Variants in IL6R observed in about 807,000 individuals in gnomAD.
IL6R encodes the protein interleukin 6 receptor, also known as interleukin-6 receptor subunit alpha.
A neutral mutation model predicts 48.3 loss-of-function variants in IL6R; 38 were observed. The ratio of observed to expected loss-of-function variants is 0.79; its 90% CI spans 0.61 to 1.03. The LOEUF is 1.03. Ranked by LOEUF, IL6R falls within the 50% of genes least tolerant of loss-of-function variation. IL6R has a pLI of 0.00. For missense variants in IL6R, 534 were observed against 618.3 expected, an observed-to-expected ratio of 0.86 and a Z score of 1.45; for synonymous variants, 264 against 256.2, an observed-to-expected ratio of 1.03 and a Z score of -0.29.
At chr1:154,448,994 C>T (rs1364488545) in intron 7 of IL6R, among the ~76,000 whole-genome samples, 14 of 145,424 alleles carry the variant, frequency 9.6e-5, no homozygotes, top group Non-Finnish European at 1.5e-4. Context: ...CCCGGGTTCA[C>T]GCCATTCTCC....
rs747462813 is a variant in IL6R, at chr1:154,465,215, C to A, written c.1242C>A (p.Val414=). Residue 414 remains valine, a synonymous_variant, in exon 10 of 10, where the codon GTC becomes GTA. Coordinates refer to ENST00000368485, the MANE Select transcript of IL6R (RefSeq NM_000565.4). ...MHPPYSLGQL[V]PERPRPTPVL... is the part of the protein sequence containing the mutation. ...CGCCGTACTCTTTGGGGCAGCTGGT[C>A]CCGGAGAGGCCTCGACCCACCCCAG... 1.9e-6 allele frequency: 3 copies of A among 1,614,172 alleles called. No individual in the cohort carries two copies. The South Asian group carries it at 3.3e-5, about 18-fold the overall frequency.
intron 8 of IL6R, among the ~76,000 whole-genome samples, chr1:154,451,887 C>G (rs1690602827): frequency 6.6e-6 from 1 of 152,156 alleles, no homozygotes; most frequent in Non-Finnish European, 1.5e-5. Flanking sequence ...GCCTCCCCAC[C>G]TATTCAACCC....
rs182039823 is a variant in IL6R, at chr1:154,416,741, G to A, written c.85+11027G>A. On this transcript the variant is annotated intron_variant, in intron 1 of 9. Transcript: ENST00000368485. ...GCTCAGCAGTGATTGGAATGCAAGA[G>A]TGGGGACTTTGGGGCCTGTATGAAA... Among the ~76,000 whole-genome samples, 345 of 152,274 alleles carry A rather than the reference G, an allele frequency of 2.3e-3. 2 individuals are homozygous for A. Among genetic ancestry groups the A allele is most frequent in the South Asian group, 7.5e-3 (36 of 4,830 alleles).
At chr1:154,430,740 AGAGGGAACT>A in intron 3 of IL6R, 134 bp downstream of exon 3, 1 of 1,205,736 alleles carries the variant, frequency 8.3e-7, no homozygotes, top group East Asian at 2.6e-5. Context: ...AGAGGAGATG[AGAGGGAACT>A]GAGATTTACA....
chr1:154,438,829 T>C (rs553406057), intron 6 of IL6R, among the ~76,000 whole-genome samples: 9 of 152,150 alleles, frequency 5.9e-5, no homozygotes, highest in Non-Finnish European at 7.4e-5. Context: ...CCGGCTTCCA[T>C]CTTTGTTGGC....
chr1:154,443,164 T>C (rs1454508234), intron 6 of IL6R, among the ~76,000 whole-genome samples: 3 of 152,218 alleles, frequency 2.0e-5, no homozygotes, highest in Admixed American at 1.3e-4. Context: ...CCCTCTCCTA[T>C]TCCCCAAGAA....
chr1:154,434,883 G>T (rs1689521953), intron 4 of IL6R, 107 bp from the exon 5 acceptor site: 20 of 1,271,162 alleles, frequency 1.6e-5, no homozygotes, highest in Non-Finnish European at 2.1e-5. Context: ...TGTGCATGGG[G>T]AGTGAACGGG....
At chr1:154,423,119 GTGCTCGGAAGC>G (rs1688773147) in intron 1 of IL6R, among the ~76,000 whole-genome samples, 1 of 151,780 alleles carries the variant, frequency 6.6e-6, no homozygotes, top group African/African-American at 2.4e-5. Context: ...TGGCCTGAAG[GTGCTCGGAAGC>G]TGCTTGTATT....
intron 1 of IL6R, among the ~76,000 whole-genome samples, chr1:154,408,123 C>A (rs1021996902): frequency 8.5e-5 from 13 of 152,066 alleles, no homozygotes; most frequent in African/African-American, 2.9e-4. Flanking sequence ...GATTTTTGAA[C>A]CCTAACCCAG....
chr1:154,415,199 T>G lies in IL6R; in HGVS notation c.85+9485T>G, dbSNP rs116329267. The G allele has an allele frequency of 4.6e-3, 3,192 of 688,796 alleles. 81 individuals carry two copies. In the African/African-American group the frequency reaches 0.048, roughly 10 times the overall value. 42.7% of individuals were successfully genotyped at this position (688,796 alleles called of 1,614,324 possible). A position where few individuals can be genotyped will look rare whatever the true frequency, so the allele number is the denominator to read the frequency against. ...GGGGCCCGGAGCTCAAGGCGCCGGC[T>G]GCACTGTTCACCTCCACCCCCATTC... is the stretch of plus-strand genomic sequence containing the variant. On this transcript the variant is annotated intron_variant, in intron 1 of 9. Coordinates refer to ENST00000368485, the MANE Select transcript of IL6R (RefSeq NM_000565.4).
At chr1:154,447,448 A>C in intron 6 of IL6R, among the ~76,000 whole-genome samples, 1 of 68,344 alleles carries the variant, frequency 1.5e-5, no homozygotes, top group African/African-American at 8.4e-5. Context: ...CAAAAAAAAA[A>C]AAAAAAATAT....
chr1:154,465,127 T>C lies in IL6R; in HGVS notation c.1161-7T>C. The stretch of plus-strand genomic sequence containing the variant: ...TGTGTGGTTTGTCTTTGTGTGTTTG[T>C]GTGAAGGTTCAAGAAGACGTGGAAG... On this transcript the variant is annotated splice_region_variant and splice_polypyrimidine_tract_variant and intron_variant, in intron 9 of 9. Transcript: ENST00000368485. 2 of 1,614,080 alleles carry C rather than the reference T, an allele frequency of 1.2e-6. No homozygotes were observed. The highest frequency in any genetic ancestry group is 1.1e-5 in the South Asian group (1 of 91,074).
intron 6 of IL6R, among the ~76,000 whole-genome samples, chr1:154,443,250 C>T (rs1173749884): frequency 6.6e-6 from 1 of 152,246 alleles, no homozygotes; most frequent in Non-Finnish European, 1.5e-5. Flanking sequence ...GAAGCCAGGA[C>T]TGGGCGGTCA....
rs372345902 is a variant in IL6R, at chr1:154,465,606, G to T, written c.*226G>T. On this transcript the variant is annotated 3_prime_UTR_variant, in exon 10 of 10. Coordinates refer to ENST00000368485, the MANE Select transcript of IL6R (RefSeq NM_000565.4). ...CCTTTCCAAATGCCCAGCTTAAAGG[G>T]GCTAGAGTGAACTTGGGCCACTGTG... The T allele has an allele frequency of 1.1e-3, 626 of 587,676 alleles. 4 individuals are homozygous for T. The highest frequency in any genetic ancestry group is 0.01 in the African/African-American group (543 of 53,706). 36.4% of individuals were successfully genotyped at this position (587,676 alleles called of 1,614,324 possible). A position where few individuals can be genotyped will look rare whatever the true frequency, so the allele number is the denominator to read the frequency against.
At chr1:154,434,027 T>G (rs1689462741) in intron 3 of IL6R, among the ~76,000 whole-genome samples, 2 of 151,366 alleles carry the variant, frequency 1.3e-5, no homozygotes, top group African/African-American at 4.8e-5. Flanking sequence ...GCGCCCGGCC[T>G]TATTTCTCAG....
At chr1:154,443,057 G>A (rs1391910856) in intron 6 of IL6R, among the ~76,000 whole-genome samples, 1 of 152,184 alleles carries the variant, frequency 6.6e-6, no homozygotes, top group Non-Finnish European at 1.5e-5. Context: ...CCAGGCTGGA[G>A]CCCCTTTTCA....
intron 6 of IL6R, among the ~76,000 whole-genome samples, chr1:154,438,313 A>G (rs538347966): frequency 1.3e-5 from 2 of 152,054 alleles, no homozygotes; most frequent in Admixed American, 6.6e-5. Context: ...CTCCCTGACC[A>G]CAACCCAGAG....
rs12089132 is a variant in IL6R, at chr1:154,405,860, T to C, written c.85+146T>C. On this transcript the variant is annotated intron_variant, in intron 1 of 9. Coordinates refer to ENST00000368485, the MANE Select transcript of IL6R (RefSeq NM_000565.4). The surrounding 1 kb of genome is among the most constrained non-coding windows in gnomAD (Gnocchi z 5.2). ...TGTGGCTGCCTTGAGGCCCCGCGGGTACCTAGCTGTGTGGTCGCGGGTAGT... is the reference window on the plus strand; with the variant it reads ...TGTGGCTGCCTTGAGGCCCCGCGGGCACCTAGCTGTGTGGTCGCGGGTAGT... The C allele has an allele frequency of 3.4e-3, 2,196 of 637,614 alleles. 36 individuals carry two copies. The African/African-American group carries it at 0.038, about 11-fold the overall frequency. The allele number at this position is 637,614 out of a possible 1,614,324, so 39.5% of individuals were successfully genotyped here.
Position 154,469,187 on chromosome 1 carries a change from G to C in IL6R, c.*3807G>C, listed in dbSNP as rs1571029485. The C allele has an allele frequency of 6.6e-6, 1 of 152,228 alleles. No homozygotes were observed. 9.4% of individuals were successfully genotyped at this position (152,228 alleles called of 1,614,324 possible). On this transcript the variant is annotated 3_prime_UTR_variant, in exon 10 of 10. Transcript: ENST00000368485. ...AAGGATTGGAACAGCATGTCACAAG[G>C]CTGTTAATTAACAGAGAGACCTTAT...
Sources: allele counts gnomAD v4.1 joint callset (sites outside exome capture counted in the v4.1 genomes callset), GRCh38; gene constraint gnomAD v4.1.1; non-coding constraint Gnocchi (gnomAD v3.1); transcripts MANE v1.5; gene names NCBI Gene and HGNC (gene_info 2026-07-23, HGNC 2026-07-21).